CTR9: variants seen among roughly 807,000 people sequenced by gnomAD.
CTR9 encodes CTR9 component of Paf1/RNA polymerase II complex.
A neutral mutation model predicts 152.1 loss-of-function variants in CTR9; 41 were observed. That is an observed-to-expected ratio of 0.27 (90% confidence interval 0.21 to 0.35). The LOEUF is 0.35. Among genes scored for constraint, CTR9 ranks in the 10% least tolerant of loss-of-function variants. The pLI is 1.00. For missense variants in CTR9, 917 were observed against 1,424.4 expected (o/e 0.64, Z 5.73); for synonymous variants, 476 against 496.2 (o/e 0.96, Z 0.54).
rs1034786634 is a variant in CTR9, at chr11:10,756,812, C to G, written c.566C>G (p.Ala189Gly). The change falls in exon 5 of 25, where the codon GCA becomes GGA. Residue 189 changes from alanine (A) to glycine (G), a missense_variant. Ala to Gly is a moderately conservative substitution (Grantham distance 60). Coordinates refer to ENST00000361367, the MANE Select transcript of CTR9 (RefSeq NM_014633.5). Reference protein sequence around the residue: ...YRGALAYYKKALRTNPGCPAE... With the variant: ...YRGALAYYKKGLRTNPGCPAE... ...GGAGCTCTTGCTTACTATAAGAAAG[C>G]ATTGCGTACTAACCCAGGATGTCCA... 1 of 1,612,876 alleles carries G rather than the reference C, an allele frequency of 6.2e-7. No individual in the cohort carries two copies. The highest frequency in any genetic ancestry group is 1.3e-5 in the African/African-American group (1 of 74,998).
At position 10,763,549 on chromosome 11, in the gene CTR9, A is replaced by G. The variant is rs1863010806; in HGVS notation, c.957+11A>G. The G allele has an allele frequency of 1.3e-6, 2 of 1,586,592 alleles. No homozygotes were observed. The highest frequency in any genetic ancestry group is 1.7e-6 in the Non-Finnish European group (2 of 1,167,660). On this transcript the variant is annotated intron_variant, in intron 8 of 24. Coordinates refer to ENST00000361367, the MANE Select transcript of CTR9 (RefSeq NM_014633.5). ...TCATTCCATGTTCAGGTAATTTTATAACTTCTCTAAATGTCTAATCTTTTT... is the reference window on the plus strand; with the variant it reads ...TCATTCCATGTTCAGGTAATTTTATGACTTCTCTAAATGTCTAATCTTTTT...
At chr11:10,764,476 A>AAATTG (rs1554944776) in intron 11 of CTR9, 40 bp downstream of exon 11, 8 of 1,604,620 alleles carry the variant, frequency 5.0e-6, no homozygotes, top group Non-Finnish European at 6.0e-6. Flanking sequence ...ATACTGAATC[A>AAATTG]AGTTGCATGC....
intron 22 of CTR9, 161 bp downstream of exon 22, chr11:10,774,330 A>G: frequency 1.3e-6 from 1 of 743,304 alleles, no homozygotes; most frequent in Non-Finnish European, 2.1e-6. Context: ...AGACCCCAGT[A>G]CAAAATCCAC....
intron 24 of CTR9, among the ~76,000 whole-genome samples, chr11:10,776,209 CCAA>C (rs1863232176): frequency 6.6e-6 from 1 of 152,192 alleles, no homozygotes; most frequent in African/African-American, 2.4e-5. Flanking sequence ...CCTCAGTCTC[CCAA>C]GTAGCTGGGA....
At chr11:10,770,409 A>G in intron 17 of CTR9, 78 bp from the exon 18 acceptor site, 2 of 1,573,388 alleles carry the variant, frequency 1.3e-6, no homozygotes, top group Non-Finnish European at 1.7e-6. Flanking sequence ...TCACATACCT[A>G]CTACTTAATA....
At chr11:10,771,155 A>G (rs1186057535) in intron 18 of CTR9, among the ~76,000 whole-genome samples, 2 of 152,226 alleles carry the variant, frequency 1.3e-5, no homozygotes, top group Admixed American at 6.5e-5. Context: ...TGTGTGGTGA[A>G]ATTAAAACCT....
At chr11:10,766,293 C>T (rs1230749814) in intron 12 of CTR9, 109 bp from the exon 13 acceptor site, 3 of 771,672 alleles carry the variant, frequency 3.9e-6, no homozygotes, top group East Asian at 2.7e-5. Flanking sequence ...TTTTCTGTTC[C>T]TTTTATGGCG....
At chr11:10,759,031 A>G (rs1862933229) in intron 5 of CTR9, among the ~76,000 whole-genome samples, 1 of 152,224 alleles carries the variant, frequency 6.6e-6, no homozygotes, top group African/African-American at 2.4e-5. Flanking sequence ...AAATCCCGTT[A>G]TTTAAAATTG....
rs1158660541 is a variant in CTR9 at position 10,779,384 on chromosome 11, A to T, written c.*279A>T. Reference sequence around the variant, plus strand: ...TAAACCCAGATGCTAAATCATTCCTACAAAGGTTTGACTGAAACTGTGGCA... The same window carrying T: ...TAAACCCAGATGCTAAATCATTCCTTCAAAGGTTTGACTGAAACTGTGGCA... On this transcript the variant is annotated 3_prime_UTR_variant, in exon 25 of 25. Coordinates refer to ENST00000361367, the MANE Select transcript of CTR9 (RefSeq NM_014633.5). The T allele has an allele frequency of 3.0e-6, 1 of 330,058 alleles. No homozygotes were observed. Among genetic ancestry groups the T allele is most frequent in the East Asian group, 6.2e-5 (1 of 16,244 alleles). The allele number at this position is 330,058 out of a possible 1,614,324, so 20.4% of individuals were successfully genotyped here.
chr11:10,772,919 C>T (rs1007478269), intron 20 of CTR9, among the ~76,000 whole-genome samples: 2 of 151,782 alleles, frequency 1.3e-5, no homozygotes, highest in Non-Finnish European at 2.9e-5. Flanking sequence ...CCCAGCTACT[C>T]GGGGAGCTGA....
chr11:10,763,003 G>T (rs1441958357), intron 7 of CTR9, among the ~76,000 whole-genome samples: 1 of 145,716 alleles, frequency 6.9e-6, no homozygotes. Flanking sequence ...GTGAGACCCT[G>T]TCTCAAAAAA....
intron 1 of CTR9, among the ~76,000 whole-genome samples, chr11:10,752,252 C>G (rs1334402274): frequency 3.9e-5 from 6 of 152,124 alleles, no homozygotes; most frequent in African/African-American, 1.2e-4. Flanking sequence ...GGTGCCACCT[C>G]CATGATTAAT....
At position 10,768,345 on chromosome 11, in the gene CTR9, G is replaced by C; in HGVS notation, c.1963G>C (p.Ala655Pro). Reference protein sequence around the residue: ...KNLYAANGIGAVLAHKGYFRE... With the variant: ...KNLYAANGIGPVLAHKGYFRE... ...TGTGAACCTTTTTATATCTTTAGGA[G>C]CTGTTTTGGCCCACAAAGGATATTT... The change falls in exon 16 of 25, where the codon GCT (alanine) becomes CCT (proline). Residue 655 changes from alanine (A) to proline (P), a missense_variant and splice_region_variant. Ala to Pro is a conservative substitution (Grantham distance 27). Around this residue, in one of 9 missense-constraint regions of CTR9, gnomAD observed 87 missense variants for 235.7 expected, o/e 0.37. Coordinates refer to ENST00000361367, the MANE Select transcript of CTR9 (RefSeq NM_014633.5). The C allele has an allele frequency of 6.2e-7, 1 of 1,610,078 alleles. No individual in the cohort carries two copies.
intron 5 of CTR9, among the ~76,000 whole-genome samples, chr11:10,757,559 C>G (rs1862905699): frequency 6.6e-6 from 1 of 152,010 alleles, no homozygotes; most frequent in South Asian, 2.1e-4. Flanking sequence ...GCCTGGGCAA[C>G]AGAGCCAAGA....
chr11:10,773,896 A>AC (rs1232352167), intron 21 of CTR9, 116 bp from the exon 22 acceptor site: 9 of 742,584 alleles, frequency 1.2e-5, no homozygotes, highest in South Asian at 2.4e-5. Flanking sequence ...AAAAAAAAAA[A>AC]AAAAAAATCC....
In CTR9 at chr11:10,764,320, G is replaced by C; in HGVS notation, c.1297G>C (p.Ala433Pro). The change falls in exon 11 of 25, where the codon GCC (alanine) becomes CCC (proline). Residue 433 changes from alanine to proline, a missense_variant. Physicochemically the swap from Ala to Pro is conservative, Grantham distance 27. Coordinates refer to ENST00000361367, the MANE Select transcript of CTR9 (RefSeq NM_014633.5). ...EQTDIQGALS[A>P]YGTATRILQE... is the part of the protein sequence containing the mutation. ...CATGAAAATACAGGGTGCCCTTTCA[G>C]CCTATGGAACAGCAACACGAATCCT... The C allele has an allele frequency of 6.2e-7, 1 of 1,614,058 alleles. No individual in the cohort carries two copies. The highest frequency in any genetic ancestry group is 1.1e-5 in the South Asian group (1 of 91,066).
intron 21 of CTR9, 24 bp from the exon 22 acceptor site, chr11:10,773,988 A>G (rs1294099378): frequency 3.2e-6 from 5 of 1,570,686 alleles, no homozygotes; most frequent in Non-Finnish European, 4.3e-6. Flanking sequence ...GAAATAACTG[A>G]CTATAGTGTT....
rs375366597 is a variant in CTR9 at position 10,764,565 on chromosome 11, A to T, written c.1431A>T (p.Ser477=). 2.2e-5 allele frequency: 35 copies of T among 1,610,608 alleles called. 1 individual carries two copies. In the African/African-American group the frequency reaches 3.9e-4, roughly 18 times the overall value. ...LGEAKKYFLA[S]LDRAKAEAEH... Reference sequence around the variant, plus strand: ...TCTCATAGAAATATTTTTTGGCGTCATTGGACCGTGCAAAAGCAGAAGCGG... The same window carrying T: ...TCTCATAGAAATATTTTTTGGCGTCTTTGGACCGTGCAAAAGCAGAAGCGG... Residue 477 remains serine, a synonymous_variant, in exon 12 of 25, where the codon TCA becomes TCT. Coordinates refer to ENST00000361367, the MANE Select transcript of CTR9 (RefSeq NM_014633.5).
intron 5 of CTR9, among the ~76,000 whole-genome samples, chr11:10,757,384 A>G (rs755508681): frequency 6.6e-6 from 1 of 152,078 alleles, no homozygotes; most frequent in Admixed American, 6.6e-5. Flanking sequence ...GAGCCCAGGA[A>G]TTTGAGACTA....
Sources: allele counts gnomAD v4.1 joint callset (sites outside exome capture counted in the v4.1 genomes callset), GRCh38; gene constraint gnomAD v4.1.1; regional missense constraint gnomAD v4.1.1; transcripts MANE v1.5; gene names NCBI Gene and HGNC (gene_info 2026-07-23, HGNC 2026-07-21).